DST: variants seen among roughly 807,000 people sequenced by gnomAD.
DST encodes the protein dystonin.
A neutral mutation model predicts 875.2 loss-of-function variants in DST; 253 were observed. The ratio of observed to expected loss-of-function variants is 0.29; its 90% CI spans 0.26 to 0.32. The LOEUF (loss-of-function observed/expected upper bound fraction) is 0.32, where lower values mean the gene tolerates loss of function less well. DST is among the 10% of genes least tolerant of loss of function. DST has a pLI of 1.00. For synonymous variants in DST, 3,124 were observed against 3,197.1 expected, an observed-to-expected ratio of 0.98 and a Z score of 0.77; for missense variants, 8,287 against 9,111.6, an observed-to-expected ratio of 0.91 and a Z score of 3.68.
chr6:56,552,257 T>C lies in DST; in HGVS notation c.16535A>G (p.Glu5512Gly). 6.2e-7 allele frequency: 1 copy of C among 1,614,026 alleles called. No homozygotes were observed. The highest frequency in any genetic ancestry group is 8.5e-7 in the Non-Finnish European group (1 of 1,179,882). The change falls in exon 61 of 104, where the codon GAA becomes GGA. Residue 5512 changes from glutamate (E) to glycine (G), a missense_variant. By Grantham distance (98) the Glu-to-Gly change is moderately conservative (BLOSUM62 -2). This residue lies in a region of DST where 777 missense variants were observed against 764.8 expected (regional missense o/e 1.02). Transcript: ENST00000680361. ...AGGACCTTGTGACTCTTCATGTTCT[T>C]CGGCTTTCTGGAGCAGAATAGAAAA... The part of the protein sequence containing the change: ...KEFSILLQKA[E>G]EHEESQGPVG...
At chr6:56,749,258 G>C (rs1209402025) in intron 4 of DST, among the ~76,000 whole-genome samples, 1 of 152,124 alleles carries the variant, frequency 6.6e-6, no homozygotes, top group Non-Finnish European at 1.5e-5. Context: ...GGAGGCTGAG[G>C]CAGGAGAATC....
chr6:56,813,956 G>GA (rs897445922), intron 4 of DST, among the ~76,000 whole-genome samples: 12 of 151,404 alleles, frequency 7.9e-5, no homozygotes, highest in Non-Finnish European at 1.8e-4. Context: ...TAAGCATGAG[G>GA]AAAAAAAAGT....
intron 64 of DST, among the ~76,000 whole-genome samples, chr6:56,531,154 CT>C (rs1323976504): frequency 2.0e-5 from 3 of 152,108 alleles, no homozygotes; most frequent in African/African-American, 7.2e-5. Flanking sequence ...TATCTGTGAC[CT>C]TTTCTTCTAA....
intron 23 of DST, among the ~76,000 whole-genome samples, 163 bp downstream of exon 23, chr6:56,636,392 ACG>A (rs1587397840): frequency 1.3e-5 from 2 of 150,252 alleles, no homozygotes; most frequent in Admixed American, 6.6e-5. Flanking sequence ...ATATGTGTAT[ACG>A]TATGTGTGTA....
At chr6:56,590,702 C>A (rs970859551) in intron 49 of DST, among the ~76,000 whole-genome samples, 14 of 152,126 alleles carry the variant, frequency 9.2e-5, no homozygotes, top group Non-Finnish European at 1.9e-4. Context: ...GCTGACCTGG[C>A]CCACATCATC....
intron 3 of DST, among the ~76,000 whole-genome samples, chr6:56,894,880 C>T (rs1427507522): frequency 1.6e-5 from 1 of 62,090 alleles, no homozygotes; most frequent in Non-Finnish European, 2.9e-5. Context: ...CCCTCCTGGG[C>T]GGGGCGGCTG....
At chr6:56,813,099 T>C (rs1009564764) in intron 4 of DST, among the ~76,000 whole-genome samples, 3 of 151,522 alleles carry the variant, frequency 2.0e-5, no homozygotes, top group African/African-American at 4.9e-5. Flanking sequence ...GTGGATGAAA[T>C]TGGAAATCAT....
At chr6:56,539,322 A>G (rs1010617569) in intron 61 of DST, among the ~76,000 whole-genome samples, 4 of 152,216 alleles carry the variant, frequency 2.6e-5, no homozygotes, top group African/African-American at 9.6e-5. Context: ...TTTTCTACAA[A>G]TAAACTGAAA....
At chr6:56,705,049 T>C (rs922828441) in intron 5 of DST, among the ~76,000 whole-genome samples, 1 of 152,136 alleles carries the variant, frequency 6.6e-6, no homozygotes, top group African/African-American at 2.4e-5. Context: ...AGGCCTGATT[T>C]AGAAGTCTGT....
intron 69 of DST, among the ~76,000 whole-genome samples, chr6:56,522,302 T>G (rs1343245149): frequency 2.0e-5 from 3 of 152,116 alleles, no homozygotes; most frequent in Non-Finnish European, 4.4e-5. Context: ...ACTACTCAGG[T>G]AGTAAATGCT....
At chr6:56,953,764 C>A (rs1298712200) in intron 2 of DST, 21 bp downstream of exon 2, 3 of 1,310,694 alleles carry the variant, frequency 2.3e-6, no homozygotes, top group Non-Finnish European at 3.0e-6. Context: ...TGACCTTGAG[C>A]GTGCGCGCTA....
At chr6:56,754,171 T>A (rs2099595914) in intron 4 of DST, among the ~76,000 whole-genome samples, 1 of 152,204 alleles carries the variant, frequency 6.6e-6, no homozygotes, top group East Asian at 1.9e-4. Flanking sequence ...AAGTGATCTC[T>A]GGTAAGAGTA....
chr6:56,537,247 T>A (rs1417245155), intron 61 of DST, among the ~76,000 whole-genome samples: 1 of 152,254 alleles, frequency 6.6e-6, no homozygotes, highest in Non-Finnish European at 1.5e-5. Context: ...TATCATAGGA[T>A]GAAAATGTTT....
chr6:56,639,675 G>A (rs1563381357), intron 20 of DST, 21 bp downstream of exon 20: 2 of 1,611,364 alleles, frequency 1.2e-6, no homozygotes, highest in Admixed American at 1.7e-5. Flanking sequence ...GGAAACAGAA[G>A]GTTTAAAAAA....
chr6:56,924,166 C>G (rs931973829), intron 2 of DST, among the ~76,000 whole-genome samples: 1 of 152,100 alleles, frequency 6.6e-6, no homozygotes, highest in Non-Finnish European at 1.5e-5. Context: ...AATGTCTGAC[C>G]AAGTACCTGG....
At chr6:56,685,269 C>T (rs988135093) in intron 9 of DST, among the ~76,000 whole-genome samples, 2 of 152,246 alleles carry the variant, frequency 1.3e-5, no homozygotes, top group African/African-American at 4.8e-5. Context: ...TACCCAGAAT[C>T]TATAAGGACC....
intron 9 of DST, among the ~76,000 whole-genome samples, chr6:56,699,202 A>C (rs1037455779): frequency 2.0e-5 from 3 of 152,240 alleles, no homozygotes; most frequent in African/African-American, 7.2e-5. Flanking sequence ...TGCATAAAAC[A>C]TGAATACTTT....
At chr6:56,791,299 G>T (rs2099722608) in intron 4 of DST, among the ~76,000 whole-genome samples, 1 of 152,060 alleles carries the variant, frequency 6.6e-6, no homozygotes, top group Non-Finnish European at 1.5e-5. Context: ...ACTGGTAAAG[G>T]TATAGGTATA....
intron 10 of DST, among the ~76,000 whole-genome samples, chr6:56,664,623 G>C (rs2099062788): frequency 6.6e-6 from 1 of 152,044 alleles, no homozygotes; most frequent in Non-Finnish European, 1.5e-5. Context: ...TTACACACCA[G>C]ATGTTTTTGT....
Sources: gnomAD v4.1 joint callset for allele counts (sites outside exome capture counted in the v4.1 genomes callset) on GRCh38, gnomAD v4.1.1 for gene constraint, gnomAD v4.1.1 regional missense constraint, MANE v1.5 for transcripts, NCBI Gene and HGNC (gene_info 2026-07-23, HGNC 2026-07-21) for gene names.